The following ROBO1 variants were observed in gnomAD, a reference collection of about 807,000 sequenced individuals.
ROBO1 encodes roundabout homolog 1.
In ROBO1, 149 loss-of-function variants were observed where a neutral mutation model predicts 195.9. The observed-to-expected ratio is 0.76, with a 90% CI of 0.67 to 0.87. The LOEUF (loss-of-function observed/expected upper bound fraction) is 0.87, where lower values mean the gene tolerates loss of function less well. Ranked by LOEUF, ROBO1 falls within the 40% of genes least tolerant of loss-of-function variation. ROBO1 has a pLI of 0.00. For synonymous variants in ROBO1, 816 were observed against 733.2 expected (o/e 1.11, Z -1.82); for missense variants, 1,933 against 2,068.3 (o/e 0.93, Z 1.27).
chr3:78,999,936 T>A (rs2077459444), intron 3 of ROBO1, among the ~76,000 whole-genome samples: 1 of 152,120 alleles, frequency 6.6e-6, no homozygotes, highest in Non-Finnish European at 1.5e-5. Context: ...TTGACCCTAG[T>A]AGGAAGTACA....
Position 79,478,802 on chromosome 3 carries a change from G to T in ROBO1, c.88+111022C>A, listed in dbSNP as rs537035995. On this transcript the variant is annotated intron_variant, in intron 2 of 30. Transcript: ENST00000464233. ...AGCTTTGCTTAGTGCTTTATAACAG[G>T]CTTTCTCTGACCCATGCGTGACTGT... Among the ~76,000 whole-genome samples, 30 of 152,220 alleles carry T rather than the reference G, an allele frequency of 2.0e-4. No homozygotes were observed. The East Asian group carries it at 5.8e-3, about 29-fold the overall frequency.
At chr3:78,891,791 TC>T (rs1354676292) in intron 4 of ROBO1, among the ~76,000 whole-genome samples, 1 of 152,178 alleles carries the variant, frequency 6.6e-6, no homozygotes, top group Non-Finnish European at 1.5e-5. Context: ...GTGTGTAAAC[TC>T]ATAGATGAAT....
intron 1 of ROBO1, among the ~76,000 whole-genome samples, chr3:79,705,682 A>G (rs1344319907): frequency 6.6e-6 from 1 of 152,094 alleles, no homozygotes; most frequent in Non-Finnish European, 1.5e-5. Flanking sequence ...CTTTTCATAT[A>G]AACCCTAGAA....
chr3:78,974,192 C>T (rs1042138409), intron 3 of ROBO1, among the ~76,000 whole-genome samples: 3 of 152,020 alleles, frequency 2.0e-5, no homozygotes, highest in Middle Eastern at 3.2e-3. Context: ...ATAACAATTT[C>T]TATTAGTGTA....
intron 3 of ROBO1, among the ~76,000 whole-genome samples, chr3:79,112,423 T>A (rs1249004788): frequency 1.3e-5 from 2 of 152,166 alleles, no homozygotes; most frequent in African/African-American, 4.8e-5. Context: ...TCAGGAGGGA[T>A]GACAGGGTCA....
intron 1 of ROBO1, among the ~76,000 whole-genome samples, chr3:79,755,799 T>C (rs1342507841): frequency 2.6e-5 from 4 of 152,220 alleles, no homozygotes; most frequent in African/African-American, 9.6e-5. Flanking sequence ...AGATGCTCCA[T>C]AATCTGCAAT....
intron 2 of ROBO1, among the ~76,000 whole-genome samples, chr3:79,265,424 T>G (rs1479535048): frequency 6.6e-6 from 1 of 151,624 alleles, no homozygotes; most frequent in African/African-American, 2.4e-5. Flanking sequence ...AGCCAAGTAC[T>G]GATGAAACAC....
At chr3:79,399,807 A>G (rs1195358778) in intron 2 of ROBO1, among the ~76,000 whole-genome samples, 1 of 152,186 alleles carries the variant, frequency 6.6e-6, no homozygotes, top group African/African-American at 2.4e-5. Context: ...ACTTGTAGAC[A>G]TTTATATATA....
At chr3:78,663,025 C>A (rs1707521564) in intron 14 of ROBO1, among the ~76,000 whole-genome samples, 1 of 152,008 alleles carries the variant, frequency 6.6e-6, no homozygotes, top group Non-Finnish European at 1.5e-5. Context: ...GTTTTTTGGA[C>A]TTCAGAATTC....
At position 79,740,236 on chromosome 3, in the gene ROBO1, AATATAT is replaced by A. The variant is rs34984469; in HGVS notation, c.-51+27510_-51+27515del. Among the ~76,000 whole-genome samples the A allele has an allele frequency of 4.6e-3, 662 of 143,636 alleles. 2 individuals are homozygous for A. The highest frequency in any genetic ancestry group is 0.016 in the African/African-American group (629 of 39,494). 94.2% of individuals were successfully genotyped at this position (143,636 alleles called of 152,430 possible). A position where few individuals can be genotyped will look rare whatever the true frequency, so the allele number is the denominator to read the frequency against. On this transcript the variant is annotated intron_variant, in intron 1 of 30. Coordinates refer to ENST00000464233, the MANE Select transcript of ROBO1 (RefSeq NM_002941.4). ...ATTTATATATATAAATTTATATATA[AATATAT>A]ATATATATATACTGAACTGCATACT...
intron 5 of ROBO1, among the ~76,000 whole-genome samples, chr3:78,722,704 C>A (rs990975302): frequency 2.6e-5 from 4 of 152,068 alleles, no homozygotes; most frequent in Non-Finnish European, 5.9e-5. Context: ...AAAAGGATTT[C>A]TAAATCCTAG....
intron 4 of ROBO1, among the ~76,000 whole-genome samples, chr3:78,790,610 T>C (rs1401831664): frequency 6.6e-6 from 1 of 152,170 alleles, no homozygotes; most frequent in Non-Finnish European, 1.5e-5. Flanking sequence ...CCCTGGTTCA[T>C]TGCTTTTAAT....
intron 8 of ROBO1, among the ~76,000 whole-genome samples, chr3:78,712,017 C>CAAAAAAA (rs56267632): frequency 5.5e-4 from 42 of 76,448 alleles, no homozygotes; most frequent in Non-Finnish European, 7.9e-4. Flanking sequence ...AAGACCTTGG[C>CAAAAAAA]AAAAAAAAAA....
intron 2 of ROBO1, among the ~76,000 whole-genome samples, chr3:79,175,810 TTCTTATTTGACCCAC>T (rs1415170236): frequency 6.6e-6 from 1 of 152,194 alleles, no homozygotes; most frequent in Non-Finnish European, 1.5e-5. Context: ...TGGCACGTGG[TTCTTATTTGACCCAC>T]TCTTATTTGC....
intron 2 of ROBO1, among the ~76,000 whole-genome samples, chr3:79,402,173 A>T (rs2037389773): frequency 6.6e-6 from 1 of 151,958 alleles, no homozygotes; most frequent in Admixed American, 6.6e-5. Flanking sequence ...TAGAAAAAAT[A>T]AACACAAATA....
intron 4 of ROBO1, among the ~76,000 whole-genome samples, chr3:78,906,340 T>G (rs563355847): frequency 6.6e-6 from 1 of 152,162 alleles, no homozygotes; most frequent in Admixed American, 6.6e-5. Context: ...CATTTTGAAG[T>G]GCACACAAAA....
chr3:79,732,603 C>A (rs564097459), intron 1 of ROBO1, among the ~76,000 whole-genome samples: 4 of 152,048 alleles, frequency 2.6e-5, no homozygotes, highest in African/African-American at 9.7e-5. Flanking sequence ...GCTCCCTTGC[C>A]GCTCTATGAA....
At chr3:79,649,083 A>C (rs1385851807) in intron 1 of ROBO1, among the ~76,000 whole-genome samples, 1 of 152,084 alleles carries the variant, frequency 6.6e-6, no homozygotes, top group Non-Finnish European at 1.5e-5. Context: ...CTCAATGTCA[A>C]TCCCCACTTC....
intron 3 of ROBO1, among the ~76,000 whole-genome samples, chr3:79,064,427 C>T (rs555571642): frequency 3.9e-5 from 6 of 152,048 alleles, no homozygotes; most frequent in African/African-American, 1.4e-4. Context: ...AACCCCAATG[C>T]TTATAACTGA....
Sources: gnomAD v4.1 joint callset for allele counts (sites outside exome capture counted in the v4.1 genomes callset) on GRCh38, gnomAD v4.1.1 for gene constraint, MANE v1.5 for transcripts, NCBI Gene and HGNC (gene_info 2026-07-23, HGNC 2026-07-21) for gene names.